Variants in PRDM11 observed in about 807,000 individuals in gnomAD.
PRDM11 encodes PR/SET domain 11, also known as PR domain-containing protein 11.
A neutral mutation model predicts 97.8 loss-of-function variants in PRDM11; 20 were observed. That is an observed-to-expected ratio of 0.20 (90% CI 0.14 to 0.30). The LOEUF is 0.30. Ranked by LOEUF, PRDM11 falls within the 10% of genes least tolerant of loss-of-function variation. The pLI is 1.00. For synonymous variants in PRDM11, 599 were observed against 637.7 expected, an observed-to-expected ratio of 0.94 and a Z score of 0.91; for missense variants, 1,139 against 1,555.2, an observed-to-expected ratio of 0.73 and a Z score of 4.50.
At chr11:45,198,187 T>A (rs1190377251) in intron 4 of PRDM11, among the ~76,000 whole-genome samples, 2 of 152,206 alleles carry the variant, frequency 1.3e-5, no homozygotes, top group East Asian at 1.9e-4. Context: ...TTTTAAGGGA[T>A]GCCCCCTTTC....
rs767802218 is a variant in PRDM11 at position 45,101,567 on chromosome 11, A to AAAAAAGAAGAAG, written c.96+5668_96+5669insAAAGAAGAAGAA. Among the ~76,000 whole-genome samples the AAAAAAGAAGAAG allele has an allele frequency of 3.8e-4, 37 of 96,840 alleles. 1 individual carries two copies. The South Asian group carries it at 3.9e-3, about 10-fold the overall frequency. The allele number at this position is 96,840 out of a possible 152,430, so 63.5% of individuals were successfully genotyped here. On this transcript the variant is annotated intron_variant, in intron 1 of 6. Coordinates refer to the PRDM11 transcript ENST00000530656. ...CAACACTCTGTCTCAAAAAAAAAAA[A>AAAAAAGAAGAAG]AAGAAGAAGAAGAAGAAGAAGAAGA...
At chr11:45,158,695 G>A (rs1173728571) in intron 1 of PRDM11, among the ~76,000 whole-genome samples, 3 of 152,188 alleles carry the variant, frequency 2.0e-5, no homozygotes, top group South Asian at 2.1e-4. Context: ...GCAGGCCCTG[G>A]GACAGCTGAG....
At chr11:45,209,003 T>C (rs1328478234) in intron 5 of PRDM11, 1 of 456,584 alleles carries the variant, frequency 2.2e-6, no homozygotes, top group Non-Finnish European at 4.4e-6. Context: ...GGCTGTCCCA[T>C]GCTGACAGGG....
At chr11:45,142,574 G>C (rs1343835332), upstream of PRDM11, among the ~76,000 whole-genome samples, 1 of 152,138 alleles carries the variant, frequency 6.6e-6, no homozygotes, top group African/African-American at 2.4e-5. Context: ...AGATTTTCTG[G>C]AGCACAGGTA....
intron 4 of PRDM11, among the ~76,000 whole-genome samples, chr11:45,198,166 T>C (rs1336251587): frequency 3.3e-5 from 5 of 152,236 alleles, no homozygotes; most frequent in Admixed American, 2.6e-4. Context: ...GTTCACAAAA[T>C]GTTGCACACA....
At chr11:45,189,197 G>T (rs747036886) in intron 4 of PRDM11, among the ~76,000 whole-genome samples, 1 of 152,128 alleles carries the variant, frequency 6.6e-6, no homozygotes, top group Admixed American at 6.5e-5. Context: ...CACCACACCC[G>T]GCCGCGAGCA....
rs147774919 is a variant in PRDM11, at chr11:45,205,707, G to A, written c.554+929G>A. ...AGGGCAACTTCCTAAAAAGGAGTGT[G>A]CTGTCTTAAACTCGGAGACTTTCTA... On this transcript the variant is annotated intron_variant, in intron 5 of 7. Coordinates refer to ENST00000683152, the MANE Select transcript of PRDM11 (RefSeq NM_001384648.1). Among the ~76,000 whole-genome samples, 981 of 152,300 alleles carry A rather than the reference G, an allele frequency of 6.4e-3. 3 individuals carry two copies. The highest frequency in any genetic ancestry group is 0.014 in the Middle Eastern group (4 of 294).
intron 4 of PRDM11, among the ~76,000 whole-genome samples, chr11:45,192,570 T>A (rs1464661989): frequency 6.6e-6 from 1 of 152,222 alleles, no homozygotes; most frequent in Non-Finnish European, 1.5e-5. Context: ...TGAAAAATTA[T>A]TCTGAACCTG....
chr11:45,207,550 C>T (rs1177985034), intron 5 of PRDM11, among the ~76,000 whole-genome samples: 1 of 152,202 alleles, frequency 6.6e-6, no homozygotes, highest in Non-Finnish European at 1.5e-5. Flanking sequence ...GAAAAATTTT[C>T]TAGCCCCAAC....
At chr11:45,094,875 G>C (rs912216960), upstream of PRDM11, among the ~76,000 whole-genome samples, 2 of 141,370 alleles carry the variant, frequency 1.4e-5, no homozygotes, top group African/African-American at 2.6e-5. Context: ...GGAAGGGAAG[G>C]AAGAGAGGAG....
At chr11:45,135,240 T>TAAG (rs1243240155) in intron 1 of PRDM11, among the ~76,000 whole-genome samples, 1 of 152,232 alleles carries the variant, frequency 6.6e-6, no homozygotes, top group African/African-American at 2.4e-5. Flanking sequence ...GGAGAAAACC[T>TAAG]GCCTTAGCAA....
At chr11:45,146,237 G>A (rs919176926), upstream of PRDM11, among the ~76,000 whole-genome samples, 1 of 152,052 alleles carries the variant, frequency 6.6e-6, no homozygotes, top group Non-Finnish European at 1.5e-5. Flanking sequence ...GCCCTGAAAG[G>A]GTTAAAAATC....
In PRDM11 at chr11:45,229,572, G is replaced by C. The variant is rs1854358393; in HGVS notation, c.*1413G>C. 6.6e-6 allele frequency: 1 copy of C among 151,968 alleles called. No homozygotes were observed. The highest frequency in any genetic ancestry group is 1.5e-5 in the Non-Finnish European group (1 of 68,016). The allele number at this position is 151,968 out of a possible 1,614,324, so 9.4% of individuals were successfully genotyped here. ...AAATAGCCACTTGCCTATTCCCTGGGGCAAGTAGTGGTTTAAACTAGAGGA... is the reference window on the plus strand; with the variant it reads ...AAATAGCCACTTGCCTATTCCCTGGCGCAAGTAGTGGTTTAAACTAGAGGA... On this transcript the variant is annotated 3_prime_UTR_variant, in exon 8 of 8. Coordinates refer to ENST00000683152, the MANE Select transcript of PRDM11 (RefSeq NM_001384648.1).
upstream of PRDM11, among the ~76,000 whole-genome samples, chr11:45,094,542 G>A (rs1001239348): frequency 6.9e-6 from 1 of 145,116 alleles, no homozygotes; most frequent in Non-Finnish European, 1.5e-5. Context: ...AGGGAGAGAG[G>A]GATATGACGG....
intron 4 of PRDM11, 64 bp from the exon 5 acceptor site, chr11:45,204,647 G>A: frequency 6.8e-7 from 1 of 1,467,470 alleles, no homozygotes; most frequent in Non-Finnish European, 9.6e-7. Flanking sequence ...TGGTTGGGAA[G>A]GAGCCCAGGG....
At chr11:45,101,381 C>T (rs1288378422) in intron 1 of PRDM11, among the ~76,000 whole-genome samples, 1 of 151,974 alleles carries the variant, frequency 6.6e-6, no homozygotes, top group African/African-American at 2.4e-5. Context: ...CATGGTGAAA[C>T]CCTGTCTCTA....
intron 4 of PRDM11, among the ~76,000 whole-genome samples, chr11:45,202,487 G>A (rs1368542229): frequency 6.6e-6 from 1 of 152,204 alleles, no homozygotes; most frequent in Non-Finnish European, 1.5e-5. Context: ...CAAAAGCTAA[G>A]AAGGGACCAC....
chr11:45,138,935 C>T (rs1852934899), intron 1 of PRDM11, among the ~76,000 whole-genome samples: 1 of 152,086 alleles, frequency 6.6e-6, no homozygotes, highest in Non-Finnish European at 1.5e-5. Context: ...ATATTTCAAA[C>T]AAAGCATTCT....
At chr11:45,145,748 G>A (rs1308139779), upstream of PRDM11, among the ~76,000 whole-genome samples, 2 of 152,110 alleles carry the variant, frequency 1.3e-5, no homozygotes, top group Non-Finnish European at 2.9e-5. Context: ...TCCTGGTTAC[G>A]CCACCCTGCA....
Sources: allele counts gnomAD v4.1 joint callset (sites outside exome capture counted in the v4.1 genomes callset), GRCh38; gene constraint gnomAD v4.1.1; transcripts MANE v1.5; gene names NCBI Gene and HGNC (gene_info 2026-07-23, HGNC 2026-07-21).